The following DTD1 variants were observed in gnomAD, a reference collection of about 807,000 sequenced individuals.
DTD1 encodes D-tyrosyl-tRNA deacylase 1 homolog.
In DTD1, 13 loss-of-function variants were observed where a neutral mutation model predicts 25.6. The observed-to-expected ratio is 0.51, with a 90% confidence interval of 0.33 to 0.81. The LOEUF (loss-of-function observed/expected upper bound fraction) is 0.81. DTD1 is among the 30% of genes least tolerant of loss of function. DTD1 has a pLI of 0.02. For synonymous variants in DTD1, 110 were observed against 103.6 expected, an observed-to-expected ratio of 1.06 and a Z score of -0.37; for missense variants, 193 against 266.4, an observed-to-expected ratio of 0.72 and a Z score of 1.92.
chr20:18,755,720 G>T (rs367951357), intron 5 of DTD1, among the ~76,000 whole-genome samples: 5 of 152,146 alleles, frequency 3.3e-5, no homozygotes, highest in Non-Finnish European at 7.3e-5. Flanking sequence ...GAATAGTGCC[G>T]CAATAAACAT....
chr20:18,747,315 C>T (rs566661866), intron 5 of DTD1, among the ~76,000 whole-genome samples: 4 of 152,242 alleles, frequency 2.6e-5, no homozygotes, highest in East Asian at 1.9e-4. Context: ...AACTCATCTC[C>T]GTCAGCAGTG....
At chr20:18,751,118 C>T (rs2122530304) in intron 5 of DTD1, among the ~76,000 whole-genome samples, 1 of 151,768 alleles carries the variant, frequency 6.6e-6, no homozygotes, top group South Asian at 2.1e-4. Context: ...GGTATTCAGT[C>T]CCTTTTCACT....
Position 18,726,884 on chromosome 20 carries a change from A to C in DTD1, c.478-17216A>C, listed in dbSNP as rs1394340885. On this transcript the variant is annotated intron_variant, in intron 4 of 5. Coordinates refer to ENST00000377452, the MANE Select transcript of DTD1 (RefSeq NM_080820.6). ...TGCTGCTTACTTATAGGGGCCAGAAAGGACTCTCCTTGGAGCTGACTTTAT... is the reference window on the plus strand; with the variant it reads ...TGCTGCTTACTTATAGGGGCCAGAACGGACTCTCCTTGGAGCTGACTTTAT... 4.1e-5 allele frequency among the ~76,000 whole-genome samples: 6 copies of C among 144,838 alleles called. No homozygotes were observed. The East Asian group carries it at 9.7e-4, about 23-fold the overall frequency.
intron 3 of DTD1, among the ~76,000 whole-genome samples, chr20:18,612,965 T>A (rs2060693772): frequency 6.6e-6 from 1 of 152,190 alleles, no homozygotes; most frequent in Admixed American, 6.5e-5. Flanking sequence ...GGCCCTTTTC[T>A]GTTATTTTTC....
At chr20:18,695,577 C>T (rs1287048440) in intron 4 of DTD1, among the ~76,000 whole-genome samples, 441 of 2,536 alleles carry the variant, frequency 0.17, no homozygotes, top group Non-Finnish European at 0.34. Context: ...CTCCATTCCC[C>T]TCCCCTCCCC....
chr20:18,657,177 G>T (rs2060894251), intron 4 of DTD1, among the ~76,000 whole-genome samples: 2 of 152,200 alleles, frequency 1.3e-5, no homozygotes, highest in Non-Finnish European at 2.9e-5. Flanking sequence ...ACCTATGTGT[G>T]GTCTTTCTTT....
chr20:18,618,097 A>G (rs1387732952), intron 3 of DTD1, among the ~76,000 whole-genome samples: 2 of 152,218 alleles, frequency 1.3e-5, no homozygotes, highest in Non-Finnish European at 2.9e-5. Flanking sequence ...CTGTTGGAGA[A>G]ATTCTCAGAA....
At chr20:18,590,678 G>C (rs2060586149) in intron 1 of DTD1, among the ~76,000 whole-genome samples, 1 of 152,100 alleles carries the variant, frequency 6.6e-6, no homozygotes, top group African/African-American at 2.4e-5. Flanking sequence ...TTGCCATGTT[G>C]ACTAGGCTGG....
At position 18,749,986 on chromosome 20, in the gene DTD1, A is replaced by G. The variant is rs1003873397; in HGVS notation, c.*19+5715A>G. 6.6e-6 allele frequency among the ~76,000 whole-genome samples: 1 copy of G among 152,214 alleles called. No individual in the cohort carries two copies. Among genetic ancestry groups the G allele is most frequent in the Non-Finnish European group, 1.5e-5 (1 of 68,036 alleles). The stretch of plus-strand genomic sequence containing the variant: ...CATTTATTGATGGTTTACCATAGGC[A>G]TCCAGTTGTTCTTCTTTACGTCAGG... On this transcript the variant is annotated intron_variant, in intron 5 of 5. Coordinates refer to ENST00000377452, the MANE Select transcript of DTD1 (RefSeq NM_080820.6). The surrounding 1 kb of genome is among the most constrained non-coding windows in gnomAD (Gnocchi z 4.2).
intron 3 of DTD1, among the ~76,000 whole-genome samples, chr20:18,599,438 G>A (rs1354777089): frequency 1.3e-5 from 2 of 152,188 alleles, no homozygotes; most frequent in Non-Finnish European, 2.9e-5. Flanking sequence ...GCCTCCCAAA[G>A]TGCTGGGATT....
intron 3 of DTD1, 65 bp from the exon 4 acceptor site, chr20:18,628,062 G>A (rs1381167300): frequency 7.6e-7 from 1 of 1,318,228 alleles, no homozygotes; most frequent in Non-Finnish European, 1.1e-6. Flanking sequence ...AACTAATACA[G>A]TGTGCTTTTG....
chr20:18,607,890 T>A (rs2060667728), intron 3 of DTD1, among the ~76,000 whole-genome samples: 1 of 152,012 alleles, frequency 6.6e-6, no homozygotes. Flanking sequence ...ATTTTTGTAT[T>A]TTTAGTAGAG....
chr20:18,666,085 A>C (rs779290302), intron 4 of DTD1, among the ~76,000 whole-genome samples: 6 of 152,090 alleles, frequency 3.9e-5, no homozygotes, highest in Non-Finnish European at 7.4e-5. Context: ...GCCACATTGC[A>C]TTTTGTTGTC....
intron 4 of DTD1, among the ~76,000 whole-genome samples, chr20:18,729,774 G>A (rs1227090801): frequency 6.6e-6 from 1 of 152,220 alleles, no homozygotes; most frequent in Admixed American, 6.5e-5. Context: ...AAGAAGCAGA[G>A]CGACTTCCAT....
intron 4 of DTD1, among the ~76,000 whole-genome samples, chr20:18,736,749 A>G (rs1308687942): frequency 2.0e-5 from 3 of 152,192 alleles, no homozygotes; most frequent in Non-Finnish European, 2.9e-5. Flanking sequence ...CTCACCTGCC[A>G]TTGCCAACAC....
chr20:18,754,791 A>C lies in DTD1; in HGVS notation c.*20-8569A>C, dbSNP rs879469138. 4.6e-5 allele frequency among the ~76,000 whole-genome samples: 7 copies of C among 152,218 alleles called. No individual in the cohort carries two copies. In the South Asian group the frequency reaches 6.2e-4, roughly 14 times the overall value. On this transcript the variant is annotated intron_variant, in intron 5 of 5. Transcript: ENST00000377452. ...GACATCTTTAGCAAGTGAGACTAGA[A>C]ATAGAGAGCAACGTCTATTGACCAA...
At chr20:18,662,827 G>A (rs535678457) in intron 4 of DTD1, among the ~76,000 whole-genome samples, 1 of 152,030 alleles carries the variant, frequency 6.6e-6, no homozygotes, top group East Asian at 1.9e-4. Context: ...TTGTCACATT[G>A]TTGAATGGAC....
At chr20:18,638,086 G>C (rs977568585) in intron 4 of DTD1, among the ~76,000 whole-genome samples, 1 of 152,172 alleles carries the variant, frequency 6.6e-6, no homozygotes, top group African/African-American at 2.4e-5. Flanking sequence ...TAATGCCCTT[G>C]AATAAAAAGC....
intron 4 of DTD1, among the ~76,000 whole-genome samples, chr20:18,724,153 A>G (rs2061215348): frequency 6.6e-6 from 1 of 152,192 alleles, no homozygotes; most frequent in Non-Finnish European, 1.5e-5. Flanking sequence ...GTCTCAGCCA[A>G]CACCAGCAAG....
Sources: allele counts gnomAD v4.1 joint callset (sites outside exome capture counted in the v4.1 genomes callset), GRCh38; gene constraint gnomAD v4.1.1; non-coding constraint Gnocchi (gnomAD v3.1); transcripts MANE v1.5; gene names NCBI Gene and HGNC (gene_info 2026-07-23, HGNC 2026-07-21).